MSX2: variants seen among roughly 807,000 people sequenced by gnomAD.
MSX2 encodes msh homeobox 2, also known as homeobox protein MSX-2.
In MSX2, 10 loss-of-function variants were observed where a neutral mutation model predicts 18.4. The ratio of observed to expected loss-of-function variants is 0.54; its 90% confidence interval spans 0.34 to 0.92. The LOEUF (loss-of-function observed/expected upper bound fraction) is 0.92, where lower values mean the gene tolerates loss of function less well. Ranked by LOEUF, MSX2 falls within the 40% of genes least tolerant of loss-of-function variation. MSX2 has a pLI of 0.02. For missense variants in MSX2, 339 were observed against 364.0 expected (o/e 0.93, Z 0.56); for synonymous variants, 170 against 165.6 (o/e 1.03, Z -0.20).
chr5:174,724,726 G>C lies in MSX2; in HGVS notation c.67G>C (p.Gly23Arg). 2 of 1,590,496 alleles carry C rather than the reference G, an allele frequency of 1.3e-6. No individual in the cohort carries two copies. Among genetic ancestry groups the C allele is most frequent in the South Asian group, 2.3e-5 (2 of 88,072 alleles). The change falls in exon 1 of 2, where the codon GGA becomes CGA. Residue 23 changes from glycine to arginine, a missense_variant. Gly to Arg is a moderately radical substitution (Grantham distance 125). Coordinates refer to ENST00000239243, the MANE Select transcript of MSX2 (RefSeq NM_002449.5). Reference protein sequence around the residue: ...PDEEGPAVVAGPGPGPGGAEG... With the variant: ...PDEEGPAVVARPGPGPGGAEG... ...CGAGGAGGGCCCAGCAGTGGTGGCC[G>C]GACCAGGCCCGGGGCCTGGGGGCGC... is the stretch of plus-strand genomic sequence containing the variant.
At position 174,729,637 on chromosome 5, in the gene MSX2, C is replaced by T; in HGVS notation, c.*54C>T. 1 of 1,572,262 alleles carries T rather than the reference C, an allele frequency of 6.4e-7. No homozygotes were observed. Among genetic ancestry groups the T allele is most frequent in the Non-Finnish European group, 8.7e-7 (1 of 1,154,412 alleles). On this transcript the variant is annotated 3_prime_UTR_variant, in exon 2 of 2. Transcript: ENST00000239243. ...GGATGCTTGTTTCAAAGGGTTTCCT[C>T]TCCCTCTCCACGAAGGCAGTACCAG...
Sources: gnomAD v4.1 joint callset for allele counts on GRCh38, gnomAD v4.1.1 for gene constraint, MANE v1.5 for transcripts, NCBI Gene and HGNC (gene_info 2026-07-23, HGNC 2026-07-21) for gene names.